CEP85L: variants seen among roughly 807,000 people sequenced by gnomAD.
CEP85L encodes centrosomal protein 85L.
A neutral mutation model predicts 100.3 loss-of-function variants in CEP85L; 60 were observed. The observed-to-expected ratio is 0.60, with a 90% CI of 0.49 to 0.74. The LOEUF is 0.74. CEP85L is among the 30% of genes least tolerant of loss of function. The pLI, the probability that CEP85L is intolerant of heterozygous loss-of-function variation, is 0.00. For synonymous variants in CEP85L, 319 were observed against 322.7 expected, an observed-to-expected ratio of 0.99 and a Z score of 0.12; for missense variants, 973 against 936.2, an observed-to-expected ratio of 1.04 and a Z score of -0.51.
chr6:118,670,898 C>T (rs530109647), intron 1 of CEP85L, among the ~76,000 whole-genome samples: 15 of 151,524 alleles, frequency 9.9e-5, no homozygotes, highest in South Asian at 2.1e-4. Context: ...ATCAGCAGGA[C>T]GACTTTTGGT....
intron 2 of CEP85L, among the ~76,000 whole-genome samples, chr6:118,625,319 T>C (rs891625356): frequency 6.6e-6 from 1 of 152,216 alleles, no homozygotes; most frequent in Non-Finnish European, 1.5e-5. Flanking sequence ...AGCACCCCCA[T>C]GTCCATTTAT....
At chr6:118,513,219 A>G (rs540412751) in intron 4 of CEP85L, among the ~76,000 whole-genome samples, 33 of 152,176 alleles carry the variant, frequency 2.2e-4, no homozygotes, top group Non-Finnish European at 4.7e-4. Context: ...GGCCAAATAC[A>G]TGTACAATTG....
In CEP85L at chr6:118,483,819, T is replaced by G; in HGVS notation, c.1477A>C (p.Lys493Gln). Residue 493 changes from lysine (K) to glutamine (Q), a missense_variant, in exon 7 of 13, where the codon AAA becomes CAA. Lys to Gln is a moderately conservative substitution (Grantham distance 53, BLOSUM62 1). Around this residue, in one of 3 missense-constraint regions of CEP85L, gnomAD observed 890 missense variants for 844.5 expected, o/e 1.05. Transcript: ENST00000368491. Reference protein sequence around the residue: ...RDRYISSLKKKCQKESEQNKE... With the variant: ...RDRYISSLKKQCQKESEQNKE... ...TTTTGTTCAGATTCCTTCTGGCATT[T>G]CTTTTTCAGACTACTGATGTATCGA... The G allele has an allele frequency of 6.2e-7, 1 of 1,613,858 alleles. No individual in the cohort carries two copies. Among genetic ancestry groups the G allele is most frequent in the Middle Eastern group, 1.7e-4 (1 of 6,058 alleles).
intron 1 of CEP85L, chr6:118,646,829 G>T: frequency 1.7e-6 from 1 of 584,438 alleles, no homozygotes; most frequent in Non-Finnish European, 2.2e-6. Flanking sequence ...CATCCAGTCT[G>T]AAAAATCATG....
At chr6:118,616,241 T>C (rs1384387042) in intron 2 of CEP85L, among the ~76,000 whole-genome samples, 1 of 152,096 alleles carries the variant, frequency 6.6e-6, no homozygotes, top group African/African-American at 2.4e-5. Context: ...TTGTGCTCTA[T>C]GAGGCCAGAT....
chr6:118,612,821 T>A (rs1326456130), intron 2 of CEP85L, among the ~76,000 whole-genome samples: 1 of 150,690 alleles, frequency 6.6e-6, no homozygotes, highest in Admixed American at 6.6e-5. Context: ...AGAAAACAAA[T>A]GAGAAAATTA....
intron 4 of CEP85L, among the ~76,000 whole-genome samples, chr6:118,514,871 T>A (rs1047210043): frequency 6.6e-6 from 1 of 152,036 alleles, no homozygotes; most frequent in African/African-American, 2.4e-5. Context: ...GCGGTGTGAT[T>A]AGAGCTCACT....
chr6:118,591,706 C>T (rs1371539878), intron 2 of CEP85L, among the ~76,000 whole-genome samples: 1 of 152,150 alleles, frequency 6.6e-6, no homozygotes, highest in Non-Finnish European at 1.5e-5. Context: ...TGAGCCCACT[C>T]CCACCCTGTT....
intron 2 of CEP85L, among the ~76,000 whole-genome samples, chr6:118,631,444 A>G (rs776946806): frequency 3.3e-5 from 5 of 152,222 alleles, no homozygotes; most frequent in Non-Finnish European, 7.3e-5. Context: ...CTACTACACA[A>G]TCCAGCTACT....
chr6:118,695,113 T>G lies in CEP85L; in HGVS notation c.-28+14923A>C, dbSNP rs551963930. Among the ~76,000 whole-genome samples, 23 of 152,326 alleles carry G rather than the reference T, an allele frequency of 1.5e-4. No individual in the cohort carries two copies. In the East Asian group the frequency reaches 4.4e-3, roughly 29 times the overall value. ...ACTCTCTATAGACGTGATCAATCAT[T>G]TAATCCAATAGCATAAACCATTTTA... On this transcript the variant is annotated intron_variant, in intron 1 of 13. Transcript: ENST00000368488.
chr6:118,527,528 AAT>A (rs946588958), intron 3 of CEP85L, among the ~76,000 whole-genome samples: 31 of 152,270 alleles, frequency 2.0e-4, no homozygotes, highest in African/African-American at 7.0e-4. Context: ...CACTATAAAC[AAT>A]ATTATTAACA....
chr6:118,558,132 G>C (rs1778986635), intron 3 of CEP85L, among the ~76,000 whole-genome samples: 2 of 152,054 alleles, frequency 1.3e-5, no homozygotes, highest in Non-Finnish European at 2.9e-5. Flanking sequence ...TATATTTTTA[G>C]TAGAGACAGG....
chr6:118,707,843 T>C (rs1476950286), intron 1 of CEP85L, among the ~76,000 whole-genome samples: 1 of 152,108 alleles, frequency 6.6e-6, no homozygotes, highest in African/African-American at 2.4e-5. Flanking sequence ...ATACTCAAGC[T>C]CACTTATAGC....
At chr6:118,481,739 C>T (rs777415689) in intron 8 of CEP85L, 40 bp downstream of exon 8, 62 of 1,161,796 alleles carry the variant, frequency 5.3e-5, no homozygotes, top group East Asian at 2.2e-4. Context: ...ATGAAAAATA[C>T]GAATAAAATA....
At chr6:118,648,208 C>A (rs949660001) in intron 1 of CEP85L, among the ~76,000 whole-genome samples, 3 of 152,146 alleles carry the variant, frequency 2.0e-5, no homozygotes, top group Admixed American at 6.5e-5. Flanking sequence ...GATCCAAGAT[C>A]GCACCACTGC....
At chr6:118,594,906 G>T (rs1367680351) in intron 2 of CEP85L, among the ~76,000 whole-genome samples, 1 of 149,728 alleles carries the variant, frequency 6.7e-6, no homozygotes, top group Admixed American at 6.6e-5. Context: ...TCAAATTTTT[G>T]AAAAAGATAA....
intron 1 of CEP85L, among the ~76,000 whole-genome samples, chr6:118,693,505 T>A (rs1255601829): frequency 6.6e-6 from 1 of 152,198 alleles, no homozygotes; most frequent in Non-Finnish European, 1.5e-5. Context: ...TTTGGAACAA[T>A]ATCTTATGAT....
intron 2 of CEP85L, among the ~76,000 whole-genome samples, chr6:118,592,874 G>A (rs115231917): frequency 0.011 from 1,639 of 152,188 alleles, 23 homozygotes; most frequent in African/African-American, 0.038. Flanking sequence ...AAATAAGATT[G>A]TCATGTATTA....
chr6:118,518,443 C>G (rs1431502032), intron 4 of CEP85L, among the ~76,000 whole-genome samples: 1 of 152,160 alleles, frequency 6.6e-6, no homozygotes, highest in Non-Finnish European at 1.5e-5. Context: ...TTGACTTCTT[C>G]CTGGTTTAGA....
Sources: gnomAD v4.1 joint callset for allele counts (sites outside exome capture counted in the v4.1 genomes callset) on GRCh38, gnomAD v4.1.1 for gene constraint, gnomAD v4.1.1 regional missense constraint, MANE v1.5 for transcripts, NCBI Gene and HGNC (gene_info 2026-07-23, HGNC 2026-07-21) for gene names.